Variants in SHISA9 observed in about 807,000 individuals in gnomAD.
The protein encoded by SHISA9 is shisa family member 9, also known as protein shisa-9.
A neutral mutation model predicts 38.0 loss-of-function variants in SHISA9; 13 were observed. That is an observed-to-expected ratio of 0.34 (90% confidence interval 0.22 to 0.54). The LOEUF is 0.54. Ranked by LOEUF, SHISA9 falls within the 20% of genes least tolerant of loss-of-function variation. The pLI is 0.91. For synonymous variants in SHISA9, 275 were observed against 242.0 expected (o/e 1.14, Z -1.27); for missense variants, 538 against 575.8 (o/e 0.93, Z 0.67).
the SHISA9 span, among the ~76,000 whole-genome samples, chr16:13,556,883 A>G: frequency 6.6e-6 from 1 of 152,178 alleles, no homozygotes; most frequent in East Asian, 1.9e-4. Context: ...TAATCTAGAG[A>G]TGATTTAAAG....
the SHISA9 span, among the ~76,000 whole-genome samples, chr16:13,540,877 A>G: frequency 6.6e-6 from 1 of 152,174 alleles, no homozygotes; most frequent in Non-Finnish European, 1.5e-5. Context: ...GCTTCTTGCC[A>G]TCTCATTTGC....
At chr16:13,054,520 T>C (rs2073288367) in intron 2 of SHISA9, among the ~76,000 whole-genome samples, 1 of 152,258 alleles carries the variant, frequency 6.6e-6, no homozygotes, top group Admixed American at 6.5e-5. Context: ...TTCTTATTGG[T>C]GAATCAAAGA....
chr16:13,355,986 C>T, the SHISA9 span, among the ~76,000 whole-genome samples: 1 of 152,182 alleles, frequency 6.6e-6, no homozygotes, highest in Non-Finnish European at 1.5e-5. Context: ...GAATCCCAGG[C>T]TGCGGGCATT....
chr16:13,260,787 C>T, the SHISA9 span, among the ~76,000 whole-genome samples: 1 of 152,178 alleles, frequency 6.6e-6, no homozygotes, highest in East Asian at 1.9e-4. Context: ...TCAGCAGCGC[C>T]CCCCTTTACT....
At chr16:12,922,439 T>C (rs2071339355) in intron 2 of SHISA9, among the ~76,000 whole-genome samples, 1 of 152,230 alleles carries the variant, frequency 6.6e-6, no homozygotes, top group South Asian at 2.1e-4. Context: ...TTTCACCTCA[T>C]ACCCCAGTGG....
chr16:13,393,803 G>A, the SHISA9 span, among the ~76,000 whole-genome samples: 3 of 152,188 alleles, frequency 2.0e-5, no homozygotes, highest in African/African-American at 7.2e-5. Context: ...CTGTCTCTGT[G>A]TCATACTGGC....
intron 2 of SHISA9, among the ~76,000 whole-genome samples, chr16:12,926,760 A>G (rs892376): frequency 0.48 from 72,358 of 152,058 alleles, 17,651 homozygotes; most frequent in East Asian, 0.75. Context: ...TCTGAAAGAA[A>G]AATACTTCCC....
intron 4 of SHISA9, among the ~76,000 whole-genome samples, chr16:13,215,598 T>C (rs952018086): frequency 6.6e-6 from 1 of 152,198 alleles, no homozygotes; most frequent in Non-Finnish European, 1.5e-5. Context: ...TCTGTCCTTA[T>C]ATCATCCTTT....
chr16:12,927,583 T>C (rs1052975613), intron 2 of SHISA9, among the ~76,000 whole-genome samples: 1 of 151,954 alleles, frequency 6.6e-6, no homozygotes, highest in African/African-American at 2.4e-5. Flanking sequence ...GATTTTTTTT[T>C]TTTTTTGTAG....
the SHISA9 span, among the ~76,000 whole-genome samples, chr16:13,543,199 G>A: frequency 6.6e-6 from 1 of 152,202 alleles, no homozygotes; most frequent in Non-Finnish European, 1.5e-5. Flanking sequence ...GGTGTGGGAT[G>A]CAGAGAAAAG....
At chr16:13,398,829 C>T in the SHISA9 span, among the ~76,000 whole-genome samples, 4 of 152,070 alleles carry the variant, frequency 2.6e-5, no homozygotes, top group African/African-American at 9.7e-5. Flanking sequence ...CCAATCTTAA[C>T]TCAACTCTAA....
At chr16:13,032,319 C>T (rs2073001774) in intron 2 of SHISA9, among the ~76,000 whole-genome samples, 2 of 152,108 alleles carry the variant, frequency 1.3e-5, no homozygotes, top group Non-Finnish European at 2.9e-5. Context: ...ATGATGGTTT[C>T]CAGCATCATC....
the SHISA9 span, among the ~76,000 whole-genome samples, chr16:13,402,245 G>A: frequency 6.6e-6 from 1 of 152,148 alleles, no homozygotes; most frequent in Non-Finnish European, 1.5e-5. Flanking sequence ...GCCTTGGAGT[G>A]CAATTCAGTC....
At chr16:12,908,331 A>C in intron 1 of SHISA9, 2 of 1,298,668 alleles carry the variant, frequency 1.5e-6, no homozygotes, top group Non-Finnish European at 2.1e-6. Flanking sequence ...GGTGCAGAAT[A>C]GGAGGGAGGG....
the SHISA9 span, among the ~76,000 whole-genome samples, chr16:13,300,845 TCTCTC>T: frequency 7.2e-3 from 955 of 133,156 alleles, 4 homozygotes; most frequent in African/African-American, 0.015. Context: ...CCTCCCCTCT[TCTCTC>T]CTCTCCTCTC....
intron 2 of SHISA9, among the ~76,000 whole-genome samples, chr16:13,029,367 A>T (rs2072963762): frequency 6.6e-6 from 1 of 152,228 alleles, no homozygotes; most frequent in Non-Finnish European, 1.5e-5. Context: ...GCATTTTGGG[A>T]GGCCAAGGCA....
At chr16:13,136,477 C>A (rs2050350062) in intron 2 of SHISA9, among the ~76,000 whole-genome samples, 1 of 142,462 alleles carries the variant, frequency 7.0e-6, no homozygotes. Flanking sequence ...CGACTCACTG[C>A]AACCTCCACC....
At chr16:12,970,480 T>C (rs866103735) in intron 2 of SHISA9, among the ~76,000 whole-genome samples, 3 of 21,936 alleles carry the variant, frequency 1.4e-4, no homozygotes, top group South Asian at 1.9e-3. Flanking sequence ...TATATATATA[T>C]ATATATATAT....
chr16:12,928,801 T>G (rs753584520), intron 2 of SHISA9, among the ~76,000 whole-genome samples: 10 of 152,334 alleles, frequency 6.6e-5, no homozygotes, highest in African/African-American at 9.6e-5. Flanking sequence ...GAGGCATTAT[T>G]TTTAAAAATT....
Sources: allele counts gnomAD v4.1 joint callset (sites outside exome capture counted in the v4.1 genomes callset), GRCh38; gene constraint gnomAD v4.1.1; transcripts MANE v1.5; gene names NCBI Gene and HGNC (gene_info 2026-07-23, HGNC 2026-07-21).